Variants in CTNNA1 observed in about 807,000 individuals in gnomAD.
The protein encoded by CTNNA1 is catenin alpha 1.
In CTNNA1, 37 loss-of-function variants were observed where a neutral mutation model predicts 98.4. That is an observed-to-expected ratio of 0.38 (90% CI 0.29 to 0.49). The LOEUF (loss-of-function observed/expected upper bound fraction) is 0.49, where lower values mean the gene tolerates loss of function less well. CTNNA1 is among the 20% of genes least tolerant of loss of function. CTNNA1 has a pLI of 0.95. For synonymous variants in CTNNA1, 404 were observed against 413.2 expected (o/e 0.98, Z 0.27); for missense variants, 761 against 1,147.2 (o/e 0.66, Z 4.86).
chr5:138,913,221 G>T (rs1266157554), intron 10 of CTNNA1, among the ~76,000 whole-genome samples: 2 of 151,146 alleles, frequency 1.3e-5, no homozygotes, highest in Non-Finnish European at 3.0e-5. Context: ...TTTGTATTCT[G>T]TTTTTTTTCC....
At chr5:138,828,484 G>C (rs1035125893) in intron 7 of CTNNA1, among the ~76,000 whole-genome samples, 2 of 151,860 alleles carry the variant, frequency 1.3e-5, no homozygotes, top group African/African-American at 4.8e-5. Flanking sequence ...TTTAATGCTA[G>C]CTTAGGGTTC....
At chr5:138,850,036 G>T (rs543894992) in intron 7 of CTNNA1, among the ~76,000 whole-genome samples, 1 of 151,822 alleles carries the variant, frequency 6.6e-6, no homozygotes, top group Non-Finnish European at 1.5e-5. Context: ...TGTGTCTTTT[G>T]ACTTATATGG....
chr5:138,895,957 A>C (rs1756706097), intron 9 of CTNNA1, among the ~76,000 whole-genome samples: 1 of 152,208 alleles, frequency 6.6e-6, no homozygotes, highest in South Asian at 2.1e-4. Flanking sequence ...CAAATAAAAC[A>C]GTATAAAAAG....
chr5:138,918,033 T>C (rs759467577), intron 11 of CTNNA1, 135 bp downstream of exon 11: 27 of 1,003,594 alleles, frequency 2.7e-5, no homozygotes, highest in Non-Finnish European at 3.4e-5. Flanking sequence ...GGTTTTCATT[T>C]TAATGTTAAA....
At chr5:138,882,816 A>C (rs1423375201) in intron 7 of CTNNA1, among the ~76,000 whole-genome samples, 2 of 152,168 alleles carry the variant, frequency 1.3e-5, no homozygotes, top group Non-Finnish European at 2.9e-5. Flanking sequence ...AAAGAAGTAG[A>C]ATCTTGTTTT....
chr5:138,872,113 C>T (rs1005014385), intron 7 of CTNNA1: 1 of 151,684 alleles, frequency 6.6e-6, no homozygotes, highest in East Asian at 1.9e-4. Context: ...TAAATTGACT[C>T]AGTTTGTCTT....
intron 13 of CTNNA1, among the ~76,000 whole-genome samples, chr5:138,925,808 G>A (rs765978976): frequency 4.6e-5 from 7 of 152,190 alleles, no homozygotes; most frequent in Non-Finnish European, 7.4e-5. Context: ...GCAGGCAGAC[G>A]GGATGATGGA....
intron 1 of CTNNA1, among the ~76,000 whole-genome samples, chr5:138,777,087 C>T: frequency 6.6e-6 from 1 of 151,652 alleles, no homozygotes; most frequent in African/African-American, 2.4e-5. Context: ...CGGAGGGGCT[C>T]CTCACTTCTC....
intron 5 of CTNNA1, among the ~76,000 whole-genome samples, chr5:138,814,250 CTTTTTT>C (rs201780214): frequency 7.3e-6 from 1 of 136,712 alleles, no homozygotes; most frequent in Non-Finnish European, 1.6e-5. Flanking sequence ...GCTCAGTGTG[CTTTTTT>C]TTTTTTTTTG....
chr5:138,826,242 A>G (rs1433694944), intron 6 of CTNNA1, among the ~76,000 whole-genome samples: 1 of 152,214 alleles, frequency 6.6e-6, no homozygotes, highest in African/African-American at 2.4e-5. Flanking sequence ...TTTGGAAGGG[A>G]AGGAAGAAAT....
At chr5:138,807,766 A>T (rs1758248753) in intron 3 of CTNNA1, among the ~76,000 whole-genome samples, 1 of 151,824 alleles carries the variant, frequency 6.6e-6, no homozygotes, top group Admixed American at 6.6e-5. Flanking sequence ...TATATATTTG[A>T]GATGGAGTTT....
chr5:138,808,534 A>G (rs1253273943), intron 3 of CTNNA1, among the ~76,000 whole-genome samples: 2 of 151,976 alleles, frequency 1.3e-5, no homozygotes, highest in Admixed American at 6.6e-5. Context: ...TGTGGAGCGT[A>G]TCTTTACTCT....
At chr5:138,847,432 T>C (rs1762822378) in intron 7 of CTNNA1, among the ~76,000 whole-genome samples, 1 of 152,224 alleles carries the variant, frequency 6.6e-6, no homozygotes, top group South Asian at 2.1e-4. Flanking sequence ...CCCAGAGTGC[T>C]GAGATTAGAG....
intron 17 of CTNNA1, chr5:138,933,028 GGAGGCTGAGACACAATAATTACTT>G: frequency 1.3e-6 from 1 of 761,326 alleles, no homozygotes; most frequent in Middle Eastern, 2.4e-4. Context: ...CAGCTACTTG[GGAGGCTGAGACACAATAATTACTT>G]GAGCCTGGGA....
intron 1 of CTNNA1, among the ~76,000 whole-genome samples, chr5:138,776,498 C>T (rs904705856): frequency 3.9e-5 from 6 of 152,238 alleles, no homozygotes; most frequent in Admixed American, 1.3e-4. Context: ...CCGCCTTTCC[C>T]CCCTTTTCTA....
chr5:138,758,340 T>C (rs554527469), intron 1 of CTNNA1, among the ~76,000 whole-genome samples: 1 of 151,672 alleles, frequency 6.6e-6, no homozygotes, highest in African/African-American at 2.4e-5. Flanking sequence ...TAGCTGGGAC[T>C]GCAGGCGCCT....
chr5:138,797,598 A>C (rs908336826), intron 3 of CTNNA1, among the ~76,000 whole-genome samples: 16 of 152,174 alleles, frequency 1.1e-4, no homozygotes, highest in African/African-American at 3.4e-4. Flanking sequence ...AGCTATTTAA[A>C]AGTATCCTTA....
chr5:138,929,009 A>G (rs928932395), intron 13 of CTNNA1, among the ~76,000 whole-genome samples: 1 of 152,172 alleles, frequency 6.6e-6, no homozygotes, highest in African/African-American at 2.4e-5. Context: ...TGAGCCCCAC[A>G]CACAGTGAAA....
At chr5:138,773,642 A>G (rs1753780591) in intron 1 of CTNNA1, among the ~76,000 whole-genome samples, 1 of 81,768 alleles carries the variant, frequency 1.2e-5, no homozygotes. Context: ...TCTTAATGTA[A>G]GTGAGTGATT....
Sources: gnomAD v4.1 joint callset for allele counts (sites outside exome capture counted in the v4.1 genomes callset) on GRCh38, gnomAD v4.1.1 for gene constraint, MANE v1.5 for transcripts, NCBI Gene and HGNC (gene_info 2026-07-23, HGNC 2026-07-21) for gene names.